The following JAK1 variants were observed in gnomAD, a reference collection of about 807,000 sequenced individuals.
JAK1 encodes the protein Janus kinase 1.
JAK1 carries 16 observed loss-of-function variants against 136.6 expected under a neutral mutation model. The ratio of observed to expected loss-of-function variants is 0.12; its 90% CI spans 0.08 to 0.18. The LOEUF is 0.18. Ranked by LOEUF, JAK1 falls within the 10% of genes least tolerant of loss-of-function variation. JAK1 has a pLI of 1.00. For missense variants in JAK1, 859 were observed against 1,450.1 expected, an observed-to-expected ratio of 0.59 and a Z score of 6.62; for synonymous variants, 492 against 519.5, an observed-to-expected ratio of 0.95 and a Z score of 0.72.
chr1:65,014,748 G>A (rs1646878765), intron 2 of JAK1, among the ~76,000 whole-genome samples: 1 of 150,726 alleles, frequency 6.6e-6, no homozygotes, highest in South Asian at 2.1e-4. Flanking sequence ...GCAGTGGCGC[G>A]ACCTCGGCTC....
intron 2 of JAK1, chr1:64,973,236 AAAG>A (rs992562755): frequency 6.0e-5 from 9 of 150,142 alleles, no homozygotes; most frequent in Non-Finnish European, 1.0e-4. Flanking sequence ...AGAAAGAAAG[AAAG>A]AAGGAGAAAG....
At chr1:64,924,497 G>C (rs756251000) in intron 1 of JAK1, among the ~76,000 whole-genome samples, 1 of 152,136 alleles carries the variant, frequency 6.6e-6, no homozygotes, top group Non-Finnish European at 1.5e-5. Context: ...CGGCATCAAA[G>C]AGACAAACAA....
chr1:65,015,488 A>G (rs1027931101), intron 2 of JAK1, among the ~76,000 whole-genome samples: 8 of 152,190 alleles, frequency 5.3e-5, no homozygotes, highest in African/African-American at 1.9e-4. Context: ...AATAAAAATA[A>G]TACAAAAAAG....
At chr1:64,966,835 G>A (rs1646394530), upstream of JAK1, among the ~76,000 whole-genome samples, 1 of 151,752 alleles carries the variant, frequency 6.6e-6, no homozygotes, top group Admixed American at 6.6e-5. Flanking sequence ...GCCAGGATTC[G>A]CCCGTAGATT....
chr1:64,838,205 T>C lies in JAK1; in HGVS notation c.2968-101A>G, dbSNP rs79649323. ...AAATAGAAATGTCATTTCATTCACA[T>C]ATCACTGACAATTTTTTTGGTTCTG... On this transcript the variant is annotated intron_variant, in intron 21 of 24. Transcript: ENST00000342505. 0.012 allele frequency: 14,707 copies of C among 1,228,902 alleles called. 109 individuals are homozygous for C. The highest frequency in any genetic ancestry group is 0.015 in the Non-Finnish European group (13,301 of 896,332). 76.1% of individuals were successfully genotyped at this position (1,228,902 alleles called of 1,614,324 possible).
intron 11 of JAK1, among the ~76,000 whole-genome samples, chr1:64,853,926 G>A (rs1419549428): frequency 1.3e-5 from 2 of 152,200 alleles, no homozygotes; most frequent in Non-Finnish European, 2.9e-5. Context: ...TGAGTTTCAG[G>A]AGCCTCAACT....
chr1:64,896,653 A>C (rs1341805913), intron 1 of JAK1, among the ~76,000 whole-genome samples: 2 of 152,208 alleles, frequency 1.3e-5, no homozygotes, highest in African/African-American at 4.8e-5. Flanking sequence ...AAACAACAAA[A>C]GATATATCGC....
chr1:65,001,678 T>TG (rs112850726), intron 2 of JAK1, among the ~76,000 whole-genome samples: 4,460 of 96,400 alleles, frequency 0.046, 121 homozygotes, highest in Non-Finnish European at 0.07. Context: ...AGTGTGTGTG[T>TG]GGGGGGGGGG....
At chr1:64,863,858 T>G (rs964864291) in intron 8 of JAK1, among the ~76,000 whole-genome samples, 4 of 152,264 alleles carry the variant, frequency 2.6e-5, no homozygotes, top group Non-Finnish European at 5.9e-5. Flanking sequence ...TAATTACTAC[T>G]GGAATGAATA....
chr1:64,899,189 A>T (rs1645068696), intron 1 of JAK1, among the ~76,000 whole-genome samples: 1 of 152,340 alleles, frequency 6.6e-6, no homozygotes, highest in East Asian at 1.9e-4. Flanking sequence ...GATCACATGT[A>T]TTTATTACCT....
chr1:64,920,482 T>TG (rs1330720939), intron 1 of JAK1, among the ~76,000 whole-genome samples: 1 of 152,102 alleles, frequency 6.6e-6, no homozygotes, highest in Non-Finnish European at 1.5e-5. Context: ...AAGCAGAGAT[T>TG]GGAAAGAGTC....
chr1:64,878,557 G>T (rs1460468005), intron 4 of JAK1, among the ~76,000 whole-genome samples: 1 of 62,778 alleles, frequency 1.6e-5, no homozygotes, highest in Non-Finnish European at 2.9e-5. Flanking sequence ...TATATATATA[G>T]TGTGTATATA....
chr1:64,869,266 A>G, intron 6 of JAK1, 45 bp downstream of exon 6: 1 of 1,579,542 alleles, frequency 6.3e-7, no homozygotes, highest in Non-Finnish European at 8.7e-7. Flanking sequence ...ATGTAGAAAC[A>G]CCACCATCCT....
At chr1:64,913,050 ACT>A (rs757421538) in intron 1 of JAK1, among the ~76,000 whole-genome samples, 1 of 152,066 alleles carries the variant, frequency 6.6e-6, no homozygotes, top group Non-Finnish European at 1.5e-5. Context: ...GACAGGTCTC[ACT>A]CTGTCACCCA....
intron 1 of JAK1, among the ~76,000 whole-genome samples, chr1:64,889,032 G>T (rs1009077569): frequency 1.3e-5 from 2 of 152,156 alleles, no homozygotes; most frequent in Admixed American, 6.5e-5. Context: ...ATGACAAGCG[G>T]TTTTTTTGTG....
At chr1:65,052,653 A>C (rs1447640184) in intron 1 of JAK1, among the ~76,000 whole-genome samples, 1 of 152,020 alleles carries the variant, frequency 6.6e-6, no homozygotes. Context: ...CTCTACTAAA[A>C]ATACAAAAAA....
At chr1:65,001,928 T>C (rs959709781) in intron 2 of JAK1, among the ~76,000 whole-genome samples, 6 of 151,916 alleles carry the variant, frequency 3.9e-5, no homozygotes, top group African/African-American at 1.5e-4. Context: ...TCCTGTCCAG[T>C]GTTAAGGAGC....
chr1:64,912,647 G>T (rs1645303608), intron 1 of JAK1, among the ~76,000 whole-genome samples: 1 of 152,166 alleles, frequency 6.6e-6, no homozygotes, highest in African/African-American at 2.4e-5. Context: ...TGTAAAGCAG[G>T]ACTACTCTCA....
rs1180823763 is a variant in JAK1, at chr1:64,873,492, C to T, written c.361G>A (p.Asp121Asn). 5.6e-6 allele frequency: 9 copies of T among 1,614,034 alleles called. No individual in the cohort carries two copies. The Admixed American group carries it at 1.2e-4, about 21-fold the overall frequency. Residue 121 changes from aspartate to asparagine, a missense_variant, in exon 5 of 25, where the codon GAC (aspartate) becomes AAC (asparagine). This residue lies in a region of JAK1 where 353 missense variants were observed against 494.0 expected (regional missense o/e 0.71). Coordinates refer to ENST00000342505, the MANE Select transcript of JAK1 (RefSeq NM_002227.4). The stretch of plus-strand genomic sequence containing the variant: ...TGACGCCACACTGACTGCTCATTGT[C>T]GTTGGTTCCATGCCAATTGGTGAAA... ...FYFTNWHGTN[D>N]NEQSVWRHSP...
Sources: allele counts gnomAD v4.1 joint callset (sites outside exome capture counted in the v4.1 genomes callset), GRCh38; gene constraint gnomAD v4.1.1; regional missense constraint gnomAD v4.1.1; transcripts MANE v1.5; gene names NCBI Gene and HGNC (gene_info 2026-07-23, HGNC 2026-07-21).